The following CRBN variants were observed in gnomAD, a reference collection of about 807,000 sequenced individuals.
CRBN encodes protein cereblon.
CRBN carries 53 observed loss-of-function variants against 62.2 expected under a neutral mutation model. That is an observed-to-expected ratio of 0.85 (90% CI 0.68 to 1.07). The LOEUF is 1.07. Among genes scored for constraint, CRBN ranks in the 50% least tolerant of loss-of-function variants. The pLI is 0.00. For synonymous variants in CRBN, 208 were observed against 176.1 expected (o/e 1.18, Z -1.43); for missense variants, 616 against 531.1 (o/e 1.16, Z -1.57).
chr3:3,174,374 C>T (rs1707746613), intron 2 of CRBN, 113 bp from the exon 3 acceptor site: 1 of 862,788 alleles, frequency 1.2e-6, no homozygotes, highest in East Asian at 2.6e-5. Context: ...GGCACAGTGG[C>T]TCACACCTGT....
chr3:3,157,063 TTATAAG>T (rs1252648399), intron 5 of CRBN, among the ~76,000 whole-genome samples: 2 of 152,138 alleles, frequency 1.3e-5, no homozygotes, highest in African/African-American at 4.8e-5. Context: ...AGAATGGAAT[TTATAAG>T]TATAATTTAA....
intron 10 of CRBN, among the ~76,000 whole-genome samples, 160 bp downstream of exon 10, chr3:3,152,296 A>G (rs1014882524): frequency 2.0e-5 from 3 of 151,432 alleles, no homozygotes; most frequent in African/African-American, 7.3e-5. Context: ...GGGAGTACAG[A>G]CCCCTGCCCC....
intron 4 of CRBN, among the ~76,000 whole-genome samples, chr3:3,169,313 T>A (rs1175959632): frequency 1.3e-5 from 2 of 152,218 alleles, no homozygotes; most frequent in African/African-American, 4.8e-5. Flanking sequence ...GCTAGTTTTT[T>A]TTCTTTCCAA....
chr3:3,179,523 T>C (rs1707981097), intron 1 of CRBN, 98 bp downstream of exon 1: 1 of 1,235,130 alleles, frequency 8.1e-7, no homozygotes, highest in African/African-American at 1.5e-5. Context: ...CTCGCCAGGC[T>C]TGGCGCCCCC....
chr3:3,166,641 T>C (rs115139913), intron 5 of CRBN, among the ~76,000 whole-genome samples: 186 of 152,262 alleles, frequency 1.2e-3, no homozygotes, highest in Admixed American at 4.2e-3. Context: ...ATGAAACAGA[T>C]CAGTTAACTG....
chr3:3,149,653 T>TAAAG (rs1553557159), downstream of CRBN: 1 of 148,772 alleles, frequency 6.7e-6, no homozygotes, highest in Non-Finnish European at 1.5e-5. Flanking sequence ...CCAAAATTAT[T>TAAAG]AAAGTAGTAA....
intron 5 of CRBN, among the ~76,000 whole-genome samples, chr3:3,161,442 G>A (rs1044060410): frequency 6.6e-6 from 1 of 152,180 alleles, no homozygotes; most frequent in Admixed American, 6.5e-5. Context: ...ATAAAAATAA[G>A]TACAAACACC....
chr3:3,157,184 G>C lies in CRBN; in HGVS notation c.688-903C>G, dbSNP rs193098619. Among the ~76,000 whole-genome samples, 22 of 152,320 alleles carry C rather than the reference G, an allele frequency of 1.4e-4. No individual in the cohort carries two copies. The East Asian group carries it at 2.3e-3, about 16-fold the overall frequency. ...ATTACTGAAGGGATGCACTGCAGCA[G>C]TGCTAATAGCAACAAATTGCAAACA... On this transcript the variant is annotated intron_variant, in intron 5 of 10. Transcript: ENST00000231948.
At chr3:3,172,447 C>T (rs1707655539) in intron 4 of CRBN, 2 of 326,112 alleles carry the variant, frequency 6.1e-6, no homozygotes, top group Non-Finnish European at 1.2e-5. Flanking sequence ...AAATCCCAAA[C>T]AACACTTCCC....
rs79231110 is a variant in CRBN at position 3,150,712 on chromosome 3, T to A, written c.*153A>T. On this transcript the variant is annotated 3_prime_UTR_variant, in exon 11 of 11. Transcript: ENST00000231948. Reference sequence around the variant, plus strand: ...GTATACTTAAAAGTTTCAAATACAGTTTCACTTAGAAACTGCAACCCTCCA... The same window carrying A: ...GTATACTTAAAAGTTTCAAATACAGATTCACTTAGAAACTGCAACCCTCCA... 1,764 of 739,820 alleles carry A rather than the reference T, an allele frequency of 2.4e-3. 18 individuals carry two copies. The African/African-American group carries it at 0.026, about 11-fold the overall frequency. 45.8% of individuals were successfully genotyped at this position (739,820 alleles called of 1,614,324 possible). A position where few individuals can be genotyped will look rare whatever the true frequency, so the allele number is the denominator to read the frequency against.
intron 5 of CRBN, chr3:3,156,696 G>A (rs1669340): frequency 1.0e-5 from 2 of 200,028 alleles, no homozygotes; most frequent in African/African-American, 4.8e-5. Context: ...AGAATCAGCT[G>A]AATCACTATA....
At chr3:3,160,324 T>G (rs997981590) in intron 5 of CRBN, among the ~76,000 whole-genome samples, 10 of 152,240 alleles carry the variant, frequency 6.6e-5, no homozygotes, top group Non-Finnish European at 1.5e-4. Context: ...TGGTCACTTA[T>G]TGTGTTAAAT....
chr3:3,166,942 A>G, intron 5 of CRBN, among the ~76,000 whole-genome samples: 1 of 152,242 alleles, frequency 6.6e-6, no homozygotes, highest in Middle Eastern at 3.4e-3. Flanking sequence ...TATTAAAAAA[A>G]AAAACTCAAA....
At chr3:3,163,359 A>T (rs981042831) in intron 5 of CRBN, among the ~76,000 whole-genome samples, 1 of 152,036 alleles carries the variant, frequency 6.6e-6, no homozygotes. Context: ...AATTAAGACA[A>T]GAGGAAAAAT....
intron 4 of CRBN, among the ~76,000 whole-genome samples, chr3:3,171,998 T>C (rs1707636813): frequency 6.6e-6 from 1 of 152,208 alleles, no homozygotes; most frequent in Non-Finnish European, 1.5e-5. Flanking sequence ...TAATATCCAG[T>C]GATCAAGGCA....
At chr3:3,168,166 C>A (rs780102699) in intron 4 of CRBN, among the ~76,000 whole-genome samples, 20 of 151,466 alleles carry the variant, frequency 1.3e-4, no homozygotes, top group Non-Finnish European at 2.8e-4. Context: ...CACCCAAATT[C>A]TTCTATCCCC....
chr3:3,152,733 T>G, intron 9 of CRBN, 146 bp from the exon 10 acceptor site: 2 of 1,006,354 alleles, frequency 2.0e-6, no homozygotes, highest in Non-Finnish European at 1.5e-6. Flanking sequence ...ACCAGGATCT[T>G]AGTATGAAAA....
chr3:3,176,501 C>T (rs747357897), intron 1 of CRBN, among the ~76,000 whole-genome samples: 7 of 152,252 alleles, frequency 4.6e-5, no homozygotes, highest in South Asian at 2.1e-4. Flanking sequence ...TTTGGGAGGA[C>T]GAGGCAGGCA....
At chr3:3,168,582 A>T (rs796119479) in intron 4 of CRBN, among the ~76,000 whole-genome samples, 1 of 152,204 alleles carries the variant, frequency 6.6e-6, no homozygotes, top group Non-Finnish European at 1.5e-5. Flanking sequence ...AAATGCTAGT[A>T]TATAACACTG....
Sources: gnomAD v4.1 joint callset for allele counts (sites outside exome capture counted in the v4.1 genomes callset) on GRCh38, gnomAD v4.1.1 for gene constraint, MANE v1.5 for transcripts, NCBI Gene and HGNC (gene_info 2026-07-23, HGNC 2026-07-21) for gene names.